The following NRXN3 variants were observed in gnomAD, a reference collection of about 807,000 sequenced individuals.
NRXN3 encodes neurexin 3.
In NRXN3, 32 loss-of-function variants were observed where a neutral mutation model predicts 137.6. The ratio of observed to expected loss-of-function variants is 0.23; its 90% CI spans 0.18 to 0.31. NRXN3 has a LOEUF of 0.31. Among genes scored for constraint, NRXN3 ranks in the 10% least tolerant of loss-of-function variants. The probability of loss-of-function intolerance (pLI) is 1.00; values close to 1 mark genes in which losing one functional copy is unlikely to be tolerated. For missense variants in NRXN3, 1,574 were observed against 2,062.5 expected (o/e 0.76, Z 4.59); for synonymous variants, 798 against 784.5 (o/e 1.02, Z -0.29).
chr14:78,535,396 G>A (rs916962650), intron 4 of NRXN3, among the ~76,000 whole-genome samples: 3 of 152,204 alleles, frequency 2.0e-5, no homozygotes, highest in African/African-American at 7.2e-5. Context: ...GGATTATGCA[G>A]TAAAATAGTT....
chr14:79,232,797 AC>A (rs142490122), intron 15 of NRXN3, among the ~76,000 whole-genome samples: 2,956 of 152,260 alleles, frequency 0.019, 99 homozygotes, highest in African/African-American at 0.068. Flanking sequence ...AAATACACAA[AC>A]CCAAGTGCAA....
intron 15 of NRXN3, among the ~76,000 whole-genome samples, chr14:79,220,028 A>T (rs551298203): frequency 1.1e-4 from 17 of 152,326 alleles, no homozygotes; most frequent in African/African-American, 3.6e-4. Flanking sequence ...GTTTATAATT[A>T]TGGCAATGGG....
chr14:78,586,967 T>C (rs999535951), intron 4 of NRXN3, among the ~76,000 whole-genome samples: 4 of 152,220 alleles, frequency 2.6e-5, no homozygotes, highest in Admixed American at 2.6e-4. Flanking sequence ...GAGAAGGATC[T>C]TGATATCCCA....
intron 15 of NRXN3, among the ~76,000 whole-genome samples, chr14:79,345,593 G>A: frequency 6.6e-6 from 1 of 152,156 alleles, no homozygotes; most frequent in East Asian, 1.9e-4. Flanking sequence ...GATGCAGCCT[G>A]GCAGGAGGTG....
chr14:79,824,865 G>A (rs1206030612), intron 20 of NRXN3, among the ~76,000 whole-genome samples: 2 of 152,144 alleles, frequency 1.3e-5, no homozygotes, highest in Non-Finnish European at 2.9e-5. Flanking sequence ...TATAACGGAT[G>A]CATAAAGATT....
At chr14:78,407,724 T>C (rs2092575709) in intron 4 of NRXN3, among the ~76,000 whole-genome samples, 1 of 152,186 alleles carries the variant, frequency 6.6e-6, no homozygotes, top group Non-Finnish European at 1.5e-5. Flanking sequence ...TTTACCTCTC[T>C]TTTTAATTTT....
chr14:78,871,814 T>G (rs982785087), intron 10 of NRXN3, among the ~76,000 whole-genome samples: 3 of 152,140 alleles, frequency 2.0e-5, no homozygotes, highest in Admixed American at 6.6e-5. Flanking sequence ...AGATCCGTCA[T>G]CACAAAAGCC....
At chr14:78,755,535 A>G (rs1403521767) in intron 8 of NRXN3, among the ~76,000 whole-genome samples, 3 of 152,212 alleles carry the variant, frequency 2.0e-5, no homozygotes, top group Non-Finnish European at 4.4e-5. Flanking sequence ...TTTTACAGAT[A>G]AAAAACACCT....
At chr14:79,269,872 G>A (rs1208133492) in intron 15 of NRXN3, among the ~76,000 whole-genome samples, 1 of 152,140 alleles carries the variant, frequency 6.6e-6, no homozygotes, top group Non-Finnish European at 1.5e-5. Context: ...TGTATTGCAT[G>A]CAGAAATAAA....
intron 15 of NRXN3, among the ~76,000 whole-genome samples, chr14:79,050,794 C>T: frequency 6.6e-6 from 1 of 152,274 alleles, no homozygotes; most frequent in Non-Finnish European, 1.5e-5. Context: ...CTACAGATTC[C>T]CCAAGAGATT....
At chr14:78,946,486 G>A (rs2099365520) in intron 10 of NRXN3, among the ~76,000 whole-genome samples, 1 of 152,206 alleles carries the variant, frequency 6.6e-6, no homozygotes, top group African/African-American at 2.4e-5. Flanking sequence ...CTTTAGAACA[G>A]TGAGTGTATC....
chr14:79,070,184 G>A (rs1438929938), intron 15 of NRXN3, among the ~76,000 whole-genome samples: 1 of 152,078 alleles, frequency 6.6e-6, no homozygotes, highest in East Asian at 1.9e-4. Flanking sequence ...TTTTAAATTG[G>A]TAGTTTGACT....
chr14:78,678,728 T>C (rs74742661), intron 6 of NRXN3, among the ~76,000 whole-genome samples: 9,974 of 152,196 alleles, frequency 0.066, 655 homozygotes, highest in African/African-American at 0.17. Context: ...GTAAAACATA[T>C]GCCTAAAGTT....
At chr14:79,627,451 C>T (rs1228983836) in intron 16 of NRXN3, among the ~76,000 whole-genome samples, 1 of 152,188 alleles carries the variant, frequency 6.6e-6, no homozygotes, top group Admixed American at 6.5e-5. Flanking sequence ...ATTCCAGCCA[C>T]ACCCCAAAAG....
intron 15 of NRXN3, among the ~76,000 whole-genome samples, chr14:79,052,290 T>C (rs1212390341): frequency 1.3e-5 from 2 of 152,114 alleles, no homozygotes; most frequent in African/African-American, 2.4e-5. Flanking sequence ...AGGTTTTTAG[T>C]AGAGAGAGAA....
chr14:78,810,445 T>C (rs540348065), intron 10 of NRXN3, 101 bp downstream of exon 10: 5 of 391,818 alleles, frequency 1.3e-5, no homozygotes, highest in Non-Finnish European at 1.9e-5. Flanking sequence ...TTTGAATTAT[T>C]TTTTCTTTTA....
At chr14:79,002,403 G>T (rs1451122325) in intron 15 of NRXN3, among the ~76,000 whole-genome samples, 3 of 152,120 alleles carry the variant, frequency 2.0e-5, no homozygotes, top group African/African-American at 7.2e-5. Flanking sequence ...AGTGTGTGTT[G>T]TTCCTCTCCC....
In NRXN3 at chr14:78,622,626, C is replaced by T. The variant is rs911341251; in HGVS notation, c.758-22494C>T. ...TCTTATAGCTTACAATGAATACTGCCTCTTAAAGTGTCTTCTTAAAGTGGC... is the reference window on the plus strand; with the variant it reads ...TCTTATAGCTTACAATGAATACTGCTTCTTAAAGTGTCTTCTTAAAGTGGC... On this transcript the variant is annotated intron_variant, in intron 4 of 20. Transcript: ENST00000335750. 3.3e-5 allele frequency among the ~76,000 whole-genome samples: 5 copies of T among 151,926 alleles called. No homozygotes were observed. In the East Asian group the frequency reaches 9.6e-4, roughly 29 times the overall value.
intron 15 of NRXN3, among the ~76,000 whole-genome samples, chr14:79,452,939 G>T (rs1758346182): frequency 6.6e-6 from 1 of 152,168 alleles, no homozygotes; most frequent in South Asian, 2.1e-4. Context: ...TAATAATGCA[G>T]TGATGTTGCT....
Sources: allele counts gnomAD v4.1 joint callset (sites outside exome capture counted in the v4.1 genomes callset), GRCh38; gene constraint gnomAD v4.1.1; transcripts MANE v1.5; gene names NCBI Gene and HGNC (gene_info 2026-07-23, HGNC 2026-07-21).